Variants in PRKG1 observed in about 807,000 individuals in gnomAD.
PRKG1 encodes cGMP-dependent protein kinase 1.
PRKG1 carries 35 observed loss-of-function variants against 88.1 expected under a neutral mutation model. The ratio of observed to expected loss-of-function variants is 0.40; its 90% CI spans 0.30 to 0.53. The LOEUF is 0.53. Among genes scored for constraint, PRKG1 ranks in the 20% least tolerant of loss-of-function variants. The pLI, the probability that PRKG1 is intolerant of heterozygous loss-of-function variation, is 0.59. For missense variants in PRKG1, 540 were observed against 839.8 expected, an observed-to-expected ratio of 0.64 and a Z score of 4.41; for synonymous variants, 303 against 292.5, an observed-to-expected ratio of 1.04 and a Z score of -0.37.
In PRKG1 at chr10:52,282,039, TA is replaced by T. The variant is rs1399685861; in HGVS notation, c.1546-109del. On this transcript the variant is annotated intron_variant, in intron 13 of 17. Coordinates refer to ENST00000373980, the MANE Select transcript of PRKG1 (RefSeq NM_006258.4). ...CTATTCTTTTTGGAAGACAGAACTA[TA>T]AAAACATACATGTTTTTAAATTATT... 3 of 1,121,126 alleles carry T rather than the reference TA, an allele frequency of 2.7e-6. No individual in the cohort carries two copies. The East Asian group carries it at 7.8e-5, about 29-fold the overall frequency. The allele number at this position is 1,121,126 out of a possible 1,614,324, so 69.4% of individuals were successfully genotyped here.
At chr10:51,373,593 C>T (rs565646170) in intron 2 of PRKG1, among the ~76,000 whole-genome samples, 20 of 152,176 alleles carry the variant, frequency 1.3e-4, no homozygotes, top group Non-Finnish European at 2.5e-4. Flanking sequence ...TCTCCGCCAC[C>T]CCCTACCCTC....
intron 2 of PRKG1, among the ~76,000 whole-genome samples, chr10:51,322,526 C>T (rs532865017): frequency 6.6e-6 from 1 of 152,272 alleles, no homozygotes; most frequent in Non-Finnish European, 1.5e-5. Context: ...AATACAGATA[C>T]AGACAGAACG....
intron 3 of PRKG1, among the ~76,000 whole-genome samples, chr10:51,647,150 TAAAA>T (rs10719185): frequency 7.6e-6 from 1 of 132,128 alleles, no homozygotes; most frequent in African/African-American, 3.0e-5. Flanking sequence ...GAGATCAAGA[TAAAA>T]AAAAAAAAAA....
chr10:51,408,078 G>C (rs866785641), intron 2 of PRKG1, among the ~76,000 whole-genome samples: 1 of 152,294 alleles, frequency 6.6e-6, no homozygotes, highest in Middle Eastern at 3.4e-3. Flanking sequence ...TGGTTCACTA[G>C]GGGTGATGGT....
chr10:51,983,337 A>C (rs374386527), intron 5 of PRKG1, among the ~76,000 whole-genome samples: 12 of 152,098 alleles, frequency 7.9e-5, no homozygotes, highest in African/African-American at 2.4e-4. Flanking sequence ...GGAGGTGGCC[A>C]TGGGGAGGGA....
intron 3 of PRKG1, among the ~76,000 whole-genome samples, chr10:51,764,532 G>A (rs957997460): frequency 1.3e-5 from 2 of 152,070 alleles, no homozygotes; most frequent in Non-Finnish European, 2.9e-5. Context: ...CCCAGGTTGA[G>A]GCAGAACTAT....
intron 6 of PRKG1, among the ~76,000 whole-genome samples, chr10:52,061,345 C>T (rs1030543386): frequency 3.3e-5 from 5 of 151,982 alleles, no homozygotes; most frequent in Non-Finnish European, 5.9e-5. Flanking sequence ...ACTTGAAGCA[C>T]AGTATTATTA....
intron 3 of PRKG1, among the ~76,000 whole-genome samples, chr10:51,631,340 G>A (rs1839520923): frequency 6.6e-6 from 1 of 152,060 alleles, no homozygotes; most frequent in South Asian, 2.1e-4. Context: ...TGGATGGAGT[G>A]GTAAATAAAC....
intron 2 of PRKG1, among the ~76,000 whole-genome samples, chr10:51,337,609 C>T (rs1320814196): frequency 6.6e-6 from 1 of 151,936 alleles, no homozygotes; most frequent in Non-Finnish European, 1.5e-5. Context: ...GGACACTTCT[C>T]AAAGGAAGAT....
chr10:51,640,820 A>T (rs1379744429), intron 3 of PRKG1, among the ~76,000 whole-genome samples: 1 of 150,236 alleles, frequency 6.7e-6, no homozygotes, highest in Admixed American at 6.7e-5. Context: ...TAAGCAATAG[A>T]TGTATATGTC....
In PRKG1 at chr10:51,074,576, G is replaced by C; in HGVS notation, c.-15G>C. On this transcript the variant is annotated 5_prime_UTR_variant, in exon 1 of 18. Coordinates refer to ENST00000373980, the MANE Select transcript of PRKG1 (RefSeq NM_006258.4). ...GAGCAGCGGCAGGAAGGAGCCCCCG[G>C]CAGCCCGGAGGAGCATGGGCACCTT... is the stretch of plus-strand genomic sequence containing the variant. The C allele has an allele frequency of 6.3e-7, 1 of 1,598,822 alleles. No homozygotes were observed. The highest frequency in any genetic ancestry group is 8.6e-7 in the Non-Finnish European group (1 of 1,169,126).
intron 2 of PRKG1, among the ~76,000 whole-genome samples, chr10:51,403,163 T>C (rs1837802292): frequency 6.6e-6 from 1 of 152,192 alleles, no homozygotes; most frequent in South Asian, 2.1e-4. Context: ...TTCTAGTCTC[T>C]TCTGGACAGA....
chr10:51,790,264 C>G lies in PRKG1; in HGVS notation c.593-14321C>G, dbSNP rs76137947. 2.1e-3 allele frequency among the ~76,000 whole-genome samples: 325 copies of G among 152,180 alleles called. 2 individuals are homozygous for G. Among genetic ancestry groups the G allele is most frequent in the African/African-American group, 7.5e-3 (311 of 41,548 alleles). On this transcript the variant is annotated intron_variant, in intron 3 of 17. Transcript: ENST00000373980. Reference sequence around the variant, plus strand: ...AACTTTTGTTCTTTCTTTTTTGACTCTCTTAGAATTCATTGTCACTACCCA... The same window carrying G: ...AACTTTTGTTCTTTCTTTTTTGACTGTCTTAGAATTCATTGTCACTACCCA...
chr10:52,077,971 C>T (rs1846673276), intron 7 of PRKG1, among the ~76,000 whole-genome samples: 1 of 152,150 alleles, frequency 6.6e-6, no homozygotes, highest in South Asian at 2.1e-4. Context: ...CTTAGAGGTG[C>T]CCTCAGCAGC....
intron 2 of PRKG1, among the ~76,000 whole-genome samples, chr10:51,325,846 A>T (rs1841577694): frequency 6.6e-6 from 1 of 152,120 alleles, no homozygotes; most frequent in Non-Finnish European, 1.5e-5. Context: ...TCAGGGGCCC[A>T]GTCTCAGCTC....
At chr10:51,842,692 T>A (rs980978662) in intron 4 of PRKG1, among the ~76,000 whole-genome samples, 2 of 152,220 alleles carry the variant, frequency 1.3e-5, no homozygotes, top group African/African-American at 4.8e-5. Flanking sequence ...ATACTATATG[T>A]GTATATGTAT....
chr10:51,694,988 A>C (rs1841249494), intron 3 of PRKG1, among the ~76,000 whole-genome samples: 1 of 152,112 alleles, frequency 6.6e-6, no homozygotes. Context: ...GTTATAGCTC[A>C]TTTGTTCTGT....
At chr10:51,691,728 G>A (rs1019905651) in intron 3 of PRKG1, among the ~76,000 whole-genome samples, 1 of 152,176 alleles carries the variant, frequency 6.6e-6, no homozygotes, top group African/African-American at 2.4e-5. Flanking sequence ...CGAAGGCTAG[G>A]AGGAGGTTAG....
chr10:51,627,869 T>TCCTTC (rs1360179192), intron 3 of PRKG1, among the ~76,000 whole-genome samples: 4 of 146,992 alleles, frequency 2.7e-5, no homozygotes, highest in African/African-American at 7.4e-5. Flanking sequence ...CTTCCTTCCT[T>TCCTTC]CCTTCCCTTC....
Sources: gnomAD v4.1 joint callset for allele counts (sites outside exome capture counted in the v4.1 genomes callset) on GRCh38, gnomAD v4.1.1 for gene constraint, MANE v1.5 for transcripts, NCBI Gene and HGNC (gene_info 2026-07-23, HGNC 2026-07-21) for gene names.